C12orf54: variants seen among roughly 807,000 people sequenced by gnomAD.
The protein encoded by C12orf54 is uncharacterized protein C12orf54.
A neutral mutation model predicts 26.4 loss-of-function variants in C12orf54; 24 were observed. The observed-to-expected ratio is 0.91, with a 90% CI of 0.66 to 1.28. C12orf54 has a LOEUF of 1.28. C12orf54 is among the 50% of genes most tolerant of loss of function. The pLI is 0.00. For missense variants in C12orf54, 154 were observed against 150.9 expected, an observed-to-expected ratio of 1.02 and a Z score of -0.11; for synonymous variants, 54 against 47.0, an observed-to-expected ratio of 1.15 and a Z score of -0.61.
At chr12:48,495,005 C>T in intron 8 of C12orf54, 26 bp downstream of exon 8, 1 of 1,532,676 alleles carries the variant, frequency 6.5e-7, no homozygotes, top group Non-Finnish European at 9.0e-7. Flanking sequence ...AGCCTTTCCC[C>T]TGAGCTCCAC....
chr12:48,450,579 T>A, the C12orf54 span, among the ~76,000 whole-genome samples: 1 of 151,880 alleles, frequency 6.6e-6, no homozygotes, highest in South Asian at 2.1e-4. Flanking sequence ...TAAAATAGAC[T>A]GCTAGCTAGA....
chr12:48,471,995 A>T, the C12orf54 span, among the ~76,000 whole-genome samples: 1 of 152,008 alleles, frequency 6.6e-6, no homozygotes, highest in Non-Finnish European at 1.5e-5. Flanking sequence ...TTTTCCACTT[A>T]TTTGTGCCAT....
chr12:48,445,900 A>C, the C12orf54 span, among the ~76,000 whole-genome samples: 1 of 152,326 alleles, frequency 6.6e-6, no homozygotes, highest in South Asian at 2.1e-4. Flanking sequence ...AATGGACACC[A>C]TATTGAGAGA....
At chr12:48,454,767 T>C in the C12orf54 span, among the ~76,000 whole-genome samples, 1 of 152,226 alleles carries the variant, frequency 6.6e-6, no homozygotes, top group Admixed American at 6.5e-5. Flanking sequence ...TGGGTAACTA[T>C]AGTAACTTAG....
the C12orf54 span, chr12:48,473,480 C>A: frequency 3.3e-5 from 15 of 452,412 alleles, no homozygotes; most frequent in Admixed American, 1.0e-4. Context: ...TCCCCTCCCC[C>A]ACTCCAATCC....
At chr12:48,453,879 A>G in the C12orf54 span, among the ~76,000 whole-genome samples, 3 of 151,882 alleles carry the variant, frequency 2.0e-5, no homozygotes. Context: ...GACCTTGAGA[A>G]AACAAAGAAG....
the C12orf54 span, among the ~76,000 whole-genome samples, chr12:48,454,777 G>GTAAAA: frequency 1.3e-5 from 2 of 152,156 alleles, no homozygotes; most frequent in Non-Finnish European, 2.9e-5. Flanking sequence ...TAGTAACTTA[G>GTAAAA]TAAATGAAAT....
At chr12:48,439,919 A>G in the C12orf54 span, among the ~76,000 whole-genome samples, 4 of 152,150 alleles carry the variant, frequency 2.6e-5, no homozygotes, top group Non-Finnish European at 5.9e-5. Flanking sequence ...AAAAAAATAA[A>G]AAATAAGAAA....
At chr12:48,430,381 G>A in the C12orf54 span, among the ~76,000 whole-genome samples, 3 of 152,034 alleles carry the variant, frequency 2.0e-5, no homozygotes, top group South Asian at 6.2e-4. Flanking sequence ...CACAGAGTAG[G>A]ATAAAATCTT....
At chr12:48,461,123 A>G in the C12orf54 span, among the ~76,000 whole-genome samples, 1 of 152,052 alleles carries the variant, frequency 6.6e-6, no homozygotes, top group Non-Finnish European at 1.5e-5. Flanking sequence ...AAGTGACTTT[A>G]TTAATATCAG....
chr12:48,416,590 A>G, the C12orf54 span, among the ~76,000 whole-genome samples: 3 of 152,174 alleles, frequency 2.0e-5, no homozygotes, highest in Admixed American at 6.5e-5. Flanking sequence ...GGCTGGGCAC[A>G]GTGGCTCATG....
chr12:48,452,193 C>A, the C12orf54 span, among the ~76,000 whole-genome samples: 2 of 152,208 alleles, frequency 1.3e-5, no homozygotes, highest in East Asian at 3.9e-4. Context: ...CACCTACAAG[C>A]ATCTGATCTT....
upstream of C12orf54, among the ~76,000 whole-genome samples, chr12:48,479,664 A>T (rs1421973727): frequency 1.3e-5 from 2 of 151,358 alleles, no homozygotes; most frequent in African/African-American, 4.9e-5. Flanking sequence ...TTTCTTACCT[A>T]GTGGAAATCT....
chr12:48,489,153 T>C (rs1370495072), intron 5 of C12orf54, 197 bp downstream of exon 5: 7 of 747,386 alleles, frequency 9.4e-6, no homozygotes, highest in Admixed American at 3.6e-5. Flanking sequence ...AACAGTTCCC[T>C]TGAGGAAATG....
At chr12:48,445,788 T>A in the C12orf54 span, among the ~76,000 whole-genome samples, 1 of 152,226 alleles carries the variant, frequency 6.6e-6, no homozygotes, top group African/African-American at 2.4e-5. Flanking sequence ...TGAAGAATCA[T>A]CAAATTCTCT....
Position 48,494,800 on chromosome 12 carries a change from G to C in C12orf54, c.245G>C (p.Ser82Thr). 1 of 1,613,658 alleles carries C rather than the reference G, an allele frequency of 6.2e-7. No individual in the cohort carries two copies. Among genetic ancestry groups the C allele is most frequent in the East Asian group, 2.2e-5 (1 of 44,888 alleles). ...TPMTSAPRTG[S>T]IRPPDSLMTP... ...CAACTTTCTCTATTTTGGCACAGAA[G>C]CATAAGGCCTCCAGATTCCTTGATG... is the stretch of plus-strand genomic sequence containing the variant. The change falls in exon 8 of 9, where the codon AGC (serine) becomes ACC (threonine). Residue 82 changes from serine to threonine, a missense_variant and splice_region_variant. Transcript: ENST00000548364.
At chr12:48,413,445 G>A in the C12orf54 span, among the ~76,000 whole-genome samples, 2 of 152,204 alleles carry the variant, frequency 1.3e-5, no homozygotes, top group Non-Finnish European at 2.9e-5. Context: ...GAAGAGGGCG[G>A]TCCTGAGGCC....
the C12orf54 span, among the ~76,000 whole-genome samples, chr12:48,430,380 G>C: frequency 6.6e-6 from 1 of 152,066 alleles, no homozygotes; most frequent in Non-Finnish European, 1.5e-5. Context: ...CCACAGAGTA[G>C]GATAAAATCT....
upstream of C12orf54, among the ~76,000 whole-genome samples, chr12:48,478,360 C>G (rs535388490): frequency 3.3e-5 from 5 of 152,304 alleles, no homozygotes; most frequent in Admixed American, 6.5e-5. Context: ...CCCTCTCTCA[C>G]CACTCCTATT....
Sources: gnomAD v4.1 joint callset for allele counts (sites outside exome capture counted in the v4.1 genomes callset) on GRCh38, gnomAD v4.1.1 for gene constraint, MANE v1.5 for transcripts, NCBI Gene and HGNC (gene_info 2026-07-23, HGNC 2026-07-21) for gene names.